TXNRD1: variants seen among roughly 807,000 people sequenced by gnomAD.
The protein encoded by TXNRD1 is thioredoxin reductase 1, cytoplasmic.
A neutral mutation model predicts 80.3 loss-of-function variants in TXNRD1; 57 were observed. That is an observed-to-expected ratio of 0.71 (90% CI 0.57 to 0.89). TXNRD1 has a LOEUF of 0.89. Among genes scored for constraint, TXNRD1 ranks in the 40% least tolerant of loss-of-function variants. The pLI is 0.00. For synonymous variants in TXNRD1, 291 were observed against 285.2 expected (o/e 1.02, Z -0.20); for missense variants, 730 against 803.0 (o/e 0.91, Z 1.10).
At position 104,318,023 on chromosome 12, in the gene TXNRD1, C is replaced by T. The variant is rs1043379050; in HGVS notation, c.731-890C>T. Among the ~76,000 whole-genome samples the T allele has an allele frequency of 2.0e-5, 3 of 152,184 alleles. No homozygotes were observed. In the South Asian group the frequency reaches 6.2e-4, roughly 32 times the overall value. On this transcript the variant is annotated intron_variant, in intron 7 of 16. Transcript: ENST00000525566. Reference sequence around the variant, plus strand: ...GGGCATGATGGCCCACACTTGTAGTCCCAGCTACTCTTGAGGCTGAGGCAC... The same window carrying T: ...GGGCATGATGGCCCACACTTGTAGTTCCAGCTACTCTTGAGGCTGAGGCAC...
chr12:104,300,176 G>T (rs2034574238), intron 4 of TXNRD1, among the ~76,000 whole-genome samples: 1 of 152,230 alleles, frequency 6.6e-6, no homozygotes, highest in Non-Finnish European at 1.5e-5. Flanking sequence ...AGTATGGGTT[G>T]TGGGAAAGAG....
chr12:104,302,445 T>A (rs1185069176), intron 4 of TXNRD1, among the ~76,000 whole-genome samples: 1 of 151,616 alleles, frequency 6.6e-6, no homozygotes, highest in Non-Finnish European at 1.5e-5. Flanking sequence ...CATGGGTTGT[T>A]TGTGTGCATG....
chr12:104,260,787 G>A (rs555275953), intron 3 of TXNRD1, among the ~76,000 whole-genome samples: 2 of 152,166 alleles, frequency 1.3e-5, no homozygotes, highest in Non-Finnish European at 2.9e-5. Context: ...GTGAATTAGG[G>A]AAAAATAACC....
intron 1 of TXNRD1, among the ~76,000 whole-genome samples, chr12:104,227,341 A>G (rs1185369296): frequency 1.3e-5 from 2 of 152,140 alleles, no homozygotes; most frequent in African/African-American, 4.8e-5. Flanking sequence ...AGCTCACAGC[A>G]GCTTCAAACT....
chr12:104,332,405 A>G (rs992663829), intron 14 of TXNRD1, among the ~76,000 whole-genome samples: 15 of 152,196 alleles, frequency 9.9e-5, no homozygotes, highest in African/African-American at 3.1e-4. Context: ...AGTAGCATGT[A>G]ATATGTTGGT....
intron 3 of TXNRD1, among the ~76,000 whole-genome samples, chr12:104,264,428 G>A (rs1010402480): frequency 3.9e-5 from 6 of 152,198 alleles, no homozygotes; most frequent in South Asian, 4.1e-4. Context: ...CTCCCATAGC[G>A]AATGAGGAGA....
At chr12:104,268,512 G>A (rs1376777632) in intron 3 of TXNRD1, among the ~76,000 whole-genome samples, 3 of 151,844 alleles carry the variant, frequency 2.0e-5, no homozygotes, top group East Asian at 2.0e-4. Flanking sequence ...GTGACAGAGC[G>A]AGACTCCGTC....
intron 4 of TXNRD1, chr12:104,303,612 G>A: frequency 6.2e-6 from 2 of 324,682 alleles, no homozygotes; most frequent in South Asian, 5.8e-5. Flanking sequence ...ATCATTGCGC[G>A]TGTTGGGAGC....
chr12:104,344,138 G>A (rs972068762), intron 16 of TXNRD1, among the ~76,000 whole-genome samples: 1 of 152,238 alleles, frequency 6.6e-6, no homozygotes, highest in South Asian at 2.1e-4. Context: ...ATATCTAACT[G>A]TAGGGTTGAT....
intron 1 of TXNRD1, among the ~76,000 whole-genome samples, chr12:104,247,078 G>T (rs2033011061): frequency 6.6e-6 from 1 of 151,926 alleles, no homozygotes; most frequent in Non-Finnish European, 1.5e-5. Flanking sequence ...TTGTTTGTTT[G>T]TTTGTTTTTG....
At chr12:104,305,513 T>C (rs1204244720) in intron 4 of TXNRD1, among the ~76,000 whole-genome samples, 2 of 152,194 alleles carry the variant, frequency 1.3e-5, no homozygotes, top group Non-Finnish European at 2.9e-5. Flanking sequence ...GCTGTAGTAG[T>C]TGAGGTATCA....
chr12:104,345,955 CAT>C, intron 16 of TXNRD1: 1 of 1,288,330 alleles, frequency 7.8e-7, no homozygotes, highest in South Asian at 1.2e-5. Context: ...TTTAAAAATA[CAT>C]GTTTTTATAA....
intron 16 of TXNRD1, chr12:104,345,908 G>T: frequency 1.9e-5 from 24 of 1,232,388 alleles, no homozygotes; most frequent in South Asian, 5.1e-5. Flanking sequence ...TGTGTGTTGG[G>T]ATGGAAGGGC....
chr12:104,220,258 G>C (rs1299012602), intron 1 of TXNRD1, among the ~76,000 whole-genome samples: 1 of 152,180 alleles, frequency 6.6e-6, no homozygotes, highest in Non-Finnish European at 1.5e-5. Flanking sequence ...TCTGCAATCA[G>C]AAGTTAGTAT....
intron 9 of TXNRD1, among the ~76,000 whole-genome samples, chr12:104,319,992 T>C (rs2035471129): frequency 6.6e-6 from 1 of 152,238 alleles, no homozygotes; most frequent in African/African-American, 2.4e-5. Context: ...CCTTTAACAC[T>C]TGCAGAGTGG....
chr12:104,288,296 A>G (rs2034044632), intron 3 of TXNRD1, among the ~76,000 whole-genome samples: 1 of 152,208 alleles, frequency 6.6e-6, no homozygotes, highest in African/African-American at 2.4e-5. Context: ...ATGTCTAATG[A>G]ATAGGCCTCA....
chr12:104,227,118 C>T (rs2032489318), intron 1 of TXNRD1, among the ~76,000 whole-genome samples: 2 of 152,072 alleles, frequency 1.3e-5, no homozygotes, highest in Admixed American at 6.6e-5. Flanking sequence ...TTCATGTCCT[C>T]CTCCTAAGAT....
At chr12:104,330,414 G>C (rs2035909313) in intron 13 of TXNRD1, among the ~76,000 whole-genome samples, 2 of 152,118 alleles carry the variant, frequency 1.3e-5, no homozygotes, top group Non-Finnish European at 2.9e-5. Flanking sequence ...AAGTTCATTT[G>C]ACTATGGAAT....
intron 4 of TXNRD1, among the ~76,000 whole-genome samples, chr12:104,293,681 G>A (rs1447251133): frequency 2.0e-5 from 3 of 152,058 alleles, no homozygotes; most frequent in African/African-American, 7.3e-5. Flanking sequence ...CAGCCCCACA[G>A]GGTCGGTGGG....
Sources: gnomAD v4.1 joint callset for allele counts (sites outside exome capture counted in the v4.1 genomes callset) on GRCh38, gnomAD v4.1.1 for gene constraint, MANE v1.5 for transcripts, NCBI Gene and HGNC (gene_info 2026-07-23, HGNC 2026-07-21) for gene names.